The following ERCC6L2 variants were observed in gnomAD, a reference collection of about 807,000 sequenced individuals.
ERCC6L2 encodes DNA excision repair protein ERCC-6-like 2.
Under a neutral mutation model 132.0 loss-of-function variants are expected in ERCC6L2, and 77 were observed. The observed-to-expected ratio is 0.58, with a 90% confidence interval of 0.49 to 0.71. The LOEUF is 0.71. Ranked by LOEUF, ERCC6L2 falls within the 30% of genes least tolerant of loss-of-function variation. The pLI is 0.00. For missense variants in ERCC6L2, 1,542 were observed against 1,837.6 expected, an observed-to-expected ratio of 0.84 and a Z score of 2.94; for synonymous variants, 583 against 632.4, an observed-to-expected ratio of 0.92 and a Z score of 1.17.
intron 1 of ERCC6L2, among the ~76,000 whole-genome samples, chr9:95,878,832 G>C (rs1405658784): frequency 6.6e-6 from 1 of 151,604 alleles, no homozygotes. Flanking sequence ...CAAAGGACAT[G>C]AACTCATCAT....
intron 12 of ERCC6L2, among the ~76,000 whole-genome samples, chr9:95,950,453 G>A (rs71499918): frequency 1.7e-3 from 265 of 152,172 alleles, no homozygotes; most frequent in South Asian, 2.9e-3. Flanking sequence ...AAGACATATA[G>A]AAAATAAATA....
intron 2 of ERCC6L2, among the ~76,000 whole-genome samples, chr9:95,888,691 G>A (rs149556165): frequency 2.6e-5 from 4 of 152,236 alleles, no homozygotes; most frequent in African/African-American, 9.6e-5. Flanking sequence ...GACAGAGACT[G>A]CATTTCCCAA....
At chr9:96,040,165 C>G (rs1472055632) in intron 20 of ERCC6L2, among the ~76,000 whole-genome samples, 1 of 151,266 alleles carries the variant, frequency 6.6e-6, no homozygotes, top group African/African-American at 2.4e-5. Context: ...CCCCCCCAAG[C>G]ACCCCCACAA....
At chr9:95,977,961 G>A in intron 16 of ERCC6L2, 100 bp from the exon 17 acceptor site, 2 of 705,368 alleles carry the variant, frequency 2.8e-6, no homozygotes, top group Non-Finnish European at 3.9e-6. Flanking sequence ...TTGTGATGTT[G>A]ATGTTTCTCT....
intron 11 of ERCC6L2, among the ~76,000 whole-genome samples, chr9:95,940,229 A>G (rs1211740396): frequency 6.6e-6 from 1 of 152,088 alleles, no homozygotes; most frequent in Non-Finnish European, 1.5e-5. Flanking sequence ...GGGGCTGCAG[A>G]TTGTTCCTTG....
intron 19 of ERCC6L2, among the ~76,000 whole-genome samples, chr9:96,029,054 C>T (rs1171641288): frequency 6.6e-6 from 1 of 151,898 alleles, no homozygotes; most frequent in African/African-American, 2.4e-5. Flanking sequence ...CCTGTAATCC[C>T]AGCACTTTGG....
chr9:95,941,552 AT>A lies in ERCC6L2; in HGVS notation c.1847+4del. 4 of 1,595,342 alleles carry A rather than the reference AT, an allele frequency of 2.5e-6. No homozygotes were observed. The highest frequency in any genetic ancestry group is 3.4e-6 in the Non-Finnish European group (4 of 1,164,908). On this transcript the variant is annotated splice_donor_region_variant and intron_variant, in intron 12 of 18. Coordinates refer to ENST00000653738, the MANE Select transcript of ERCC6L2 (RefSeq NM_020207.7). ...AATGATCTTCAAGCCATTGACAGGT[AT>A]AATACTGACAAAATTTAAAGTGATC...
chr9:95,875,946 G>T lies in ERCC6L2; in HGVS notation c.-93G>T. On this transcript the variant is annotated 5_prime_UTR_variant, in exon 1 of 19. Transcript: ENST00000653738. ...TCGGAGGGCGGCCGGAAGTGGCGTTGGCCGCCATTGGCCTGCCGGCCAGCC... is the reference window on the plus strand; with the variant it reads ...TCGGAGGGCGGCCGGAAGTGGCGTTTGCCGCCATTGGCCTGCCGGCCAGCC... The T allele has an allele frequency of 2.9e-6, 4 of 1,385,584 alleles. No homozygotes were observed. Among genetic ancestry groups the T allele is most frequent in the Non-Finnish European group, 9.9e-7 (1 of 1,008,754 alleles). 85.8% of individuals were successfully genotyped at this position (1,385,584 alleles called of 1,614,324 possible).
chr9:95,944,216 A>C (rs1374727412), intron 12 of ERCC6L2, among the ~76,000 whole-genome samples: 1 of 152,254 alleles, frequency 6.6e-6, no homozygotes, highest in Admixed American at 6.5e-5. Flanking sequence ...ATTCTGATAA[A>C]TGCTACAACA....
intron 19 of ERCC6L2, among the ~76,000 whole-genome samples, chr9:96,024,335 A>C (rs1178635247): frequency 6.6e-6 from 1 of 152,248 alleles, no homozygotes; most frequent in East Asian, 1.9e-4. Context: ...GAAGGGAAGT[A>C]GGGGACATAG....
At position 95,966,593 on chromosome 9, in the gene ERCC6L2, A is replaced by G; in HGVS notation, c.1979A>G (p.Asn660Ser). The change falls in exon 14 of 19, where the codon AAT (asparagine) becomes AGT (serine). Residue 660 changes from asparagine (N) to serine (S), a missense_variant. Transcript: ENST00000653738. ...QLHCVVVGSE[N>S]AKRYFEAVQG... Reference sequence around the variant, plus strand: ...CACTGTGTGGTGGTTGGAAGTGAAAATGCCAAACGATATTTTGAAGCAGTT... The same window carrying G: ...CACTGTGTGGTGGTTGGAAGTGAAAGTGCCAAACGATATTTTGAAGCAGTT... The G allele has an allele frequency of 1.3e-6, 2 of 1,526,966 alleles. No individual in the cohort carries two copies. The highest frequency in any genetic ancestry group is 8.9e-7 in the Non-Finnish European group (1 of 1,119,950). The allele number at this position is 1,526,966 out of a possible 1,614,324, so 94.6% of individuals were successfully genotyped here. A position where few individuals can be genotyped will look rare whatever the true frequency, so the allele number is the denominator to read the frequency against.
chr9:95,919,973 A>G (rs1829782846), intron 6 of ERCC6L2, among the ~76,000 whole-genome samples: 1 of 152,214 alleles, frequency 6.6e-6, no homozygotes, highest in Admixed American at 6.5e-5. Context: ...CAGAAAACAA[A>G]TTGACATTAA....
chr9:95,882,464 G>C lies in ERCC6L2; in HGVS notation c.471+1171G>C, dbSNP rs148873644. ...TTTGAATCTAGATTTTATACTAAAC[G>C]ATCACTTTAGATTTTCAGGAGTGTG... On this transcript the variant is annotated intron_variant, in intron 2 of 18. Coordinates refer to ENST00000653738, the MANE Select transcript of ERCC6L2 (RefSeq NM_020207.7). Among the ~76,000 whole-genome samples the C allele has an allele frequency of 6.0e-3, 906 of 152,202 alleles. 7 individuals carry two copies. The highest frequency in any genetic ancestry group is 0.023 in the Admixed American group (353 of 15,276).
intron 3 of ERCC6L2, among the ~76,000 whole-genome samples, chr9:95,900,955 TC>T: frequency 6.6e-6 from 1 of 152,062 alleles, no homozygotes; most frequent in Non-Finnish European, 1.5e-5. Context: ...GTGCCTGTAG[TC>T]CCAGCTACTC....
rs376655712 is a variant in ERCC6L2, at chr9:96,041,048, G to A, written c.*1755+1921G>A. Among the ~76,000 whole-genome samples, 8 of 152,278 alleles carry A rather than the reference G, an allele frequency of 5.3e-5. No individual in the cohort carries two copies. In the South Asian group the frequency reaches 1.0e-3, roughly 20 times the overall value. ...ATCTTTGTCTACCAAGAACGAGCCCGATGCCAATAACTTTAAATAAACATG... is the reference window on the plus strand; with the variant it reads ...ATCTTTGTCTACCAAGAACGAGCCCAATGCCAATAACTTTAAATAAACATG... On this transcript the variant is annotated intron_variant and NMD_transcript_variant, in intron 20 of 20. Transcript: ENST00000670016.
intron 17 of ERCC6L2, among the ~76,000 whole-genome samples, chr9:96,001,310 C>T (rs1833669368): frequency 6.6e-6 from 1 of 152,184 alleles, no homozygotes; most frequent in African/African-American, 2.4e-5. Context: ...TCTTATCTGG[C>T]CCCACCCACA....
At chr9:95,984,892 G>T (rs1355581283) in intron 17 of ERCC6L2, among the ~76,000 whole-genome samples, 1 of 152,156 alleles carries the variant, frequency 6.6e-6, no homozygotes, top group Non-Finnish European at 1.5e-5. Context: ...ATTGTTCATT[G>T]TTCATTGATT....
intron 12 of ERCC6L2, among the ~76,000 whole-genome samples, chr9:95,946,388 C>T (rs575886386): frequency 6.6e-6 from 1 of 152,078 alleles, no homozygotes; most frequent in East Asian, 1.9e-4. Context: ...ATTAGCCAAG[C>T]GTGATGGCAG....
Position 96,012,673 on chromosome 9 carries a change from G to A in ERCC6L2, c.4123G>A (p.Ala1375Thr), listed in dbSNP as rs1451398513. Residue 1375 changes from alanine to threonine, a missense_variant, in exon 19 of 19, where the codon GCA becomes ACA. Ala to Thr is a moderately conservative substitution (Grantham distance 58, BLOSUM62 0). Around this residue, in one of 4 missense-constraint regions of ERCC6L2, gnomAD observed 442 missense variants for 583.4 expected, o/e 0.76. Transcript: ENST00000653738. ...QEIDSGKNSQ[A>T]SEDTVTSRSL... ...GATTGACAGTGGGAAAAACAGCCAG[G>A]CATCCGAAGATACTGTGACATCCCG... 6.6e-6 allele frequency: 9 copies of A among 1,367,516 alleles called. No homozygotes were observed. In the South Asian group the frequency reaches 8.0e-5, roughly 12 times the overall value. The allele number at this position is 1,367,516 out of a possible 1,614,324, so 84.7% of individuals were successfully genotyped here.
Sources: gnomAD v4.1 joint callset for allele counts (sites outside exome capture counted in the v4.1 genomes callset) on GRCh38, gnomAD v4.1.1 for gene constraint, gnomAD v4.1.1 regional missense constraint, MANE v1.5 for transcripts, NCBI Gene and HGNC (gene_info 2026-07-23, HGNC 2026-07-21) for gene names.